Variants in ART1 observed in about 807,000 individuals in gnomAD.
The protein encoded by ART1 is ADP-ribosyltransferase 1, also known as GPI-linked NAD(P)(+)--arginine ADP-ribosyltransferase 1.
A neutral mutation model predicts 27.0 loss-of-function variants in ART1; 29 were observed. That is an observed-to-expected ratio of 1.08 (90% CI 0.80 to 1.47). The LOEUF (loss-of-function observed/expected upper bound fraction) is 1.47, where lower values mean the gene tolerates loss of function less well. ART1 is among the 40% of genes most tolerant of loss of function. ART1 has a pLI of 0.00. For synonymous variants in ART1, 201 were observed against 172.2 expected (o/e 1.17, Z -1.31); for missense variants, 480 against 423.0 (o/e 1.13, Z -1.18).
At chr11:3,656,378 ATTTATTTATTTT>A (rs762019943) in intron 1 of ART1, among the ~76,000 whole-genome samples, 1,395 of 124,282 alleles carry the variant, frequency 0.011, 6 homozygotes, top group Non-Finnish European at 0.019. Flanking sequence ...TTATTTATTT[ATTTATTTATTTT>A]TTAAATTTTT....
At chr11:3,661,314 T>C in intron 3 of ART1, 58 bp from the exon 4 acceptor site, 1 of 1,519,202 alleles carries the variant, frequency 6.6e-7, no homozygotes, top group Non-Finnish European at 9.0e-7. Context: ...GGCTCTGAGG[T>C]CCCTTTCCAT....
At chr11:3,662,825 C>T (rs1026985838) in intron 4 of ART1, among the ~76,000 whole-genome samples, 4 of 152,160 alleles carry the variant, frequency 2.6e-5, no homozygotes, top group Admixed American at 1.3e-4. Flanking sequence ...GCCTGGGCAA[C>T]AAGAGCGAAA....
In ART1 at chr11:3,659,688, A is replaced by G. The variant is rs560779596; in HGVS notation, c.169A>G (p.Met57Val). The G allele has an allele frequency of 3.1e-6, 5 of 1,614,010 alleles. No individual in the cohort carries two copies. The South Asian group carries it at 4.4e-5, about 14-fold the overall frequency. ...CCAGTACGCTGGCTGTGCTGCTGCC[A>G]TGACAGCTGCTCTCCCGGATCTCAA... ...DDQYAGCAAA[M>V]TAALPDLNHT... is the part of the protein sequence containing the mutation. Residue 57 changes from methionine to valine, a missense_variant, in exon 3 of 5, where the codon ATG becomes GTG. Physicochemically the swap from Met to Val is conservative, Grantham distance 21. Transcript: ENST00000250693.
intron 1 of ART1, chr11:3,655,450 T>G (rs2077565804): frequency 6.6e-6 from 1 of 152,168 alleles, no homozygotes; most frequent in Admixed American, 6.5e-5. Flanking sequence ...AGGCTGTCCT[T>G]GAGAATATTA....
At position 3,660,246 on chromosome 11, in the gene ART1, A is replaced by G. The variant is rs2133964053; in HGVS notation, c.727A>G (p.Ile243Val). The G allele has an allele frequency of 6.2e-7, 1 of 1,613,642 alleles. No homozygotes were observed. The highest frequency in any genetic ancestry group is 8.5e-7 in the Non-Finnish European group (1 of 1,180,008). The part of the protein sequence containing the change: ...SFFPGEEEVL[I>V]PPFETFQVIN... ...CTTCCCTGGAGAGGAAGAGGTGCTG[A>G]TCCCCCCCTTTGAGACCTTCCAAGT... Residue 243 changes from isoleucine (I) to valine (V), a missense_variant, in exon 3 of 5, where the codon ATC becomes GTC. Coordinates refer to ENST00000250693, the MANE Select transcript of ART1 (RefSeq NM_004314.3).
intron 1 of ART1, among the ~76,000 whole-genome samples, chr11:3,645,496 T>A (rs1012103429): frequency 4.6e-5 from 7 of 152,032 alleles, no homozygotes; most frequent in Non-Finnish European, 1.0e-4. Context: ...TTGCTCAGCA[T>A]CCCCAGCTCC....
At chr11:3,655,441 G>T (rs140267173) in intron 1 of ART1, 4 of 152,358 alleles carry the variant, frequency 2.6e-5, no homozygotes, top group African/African-American at 4.8e-5. Flanking sequence ...ATTGGTTGAA[G>T]GCTGTCCTTG....
intron 1 of ART1, among the ~76,000 whole-genome samples, chr11:3,653,589 T>C (rs1186390553): frequency 1.3e-5 from 2 of 152,164 alleles, no homozygotes; most frequent in Non-Finnish European, 1.5e-5. Flanking sequence ...AAAGCTTTAT[T>C]GCTCACACAA....
rs1350526699 is a variant in ART1 at position 3,659,147 on chromosome 11, A to C, written c.-52-15A>C. 4.8e-6 allele frequency: 7 copies of C among 1,458,388 alleles called. No homozygotes were observed. Among genetic ancestry groups the C allele is most frequent in the Non-Finnish European group, 6.7e-6 (7 of 1,041,880 alleles). 90.3% of individuals were successfully genotyped at this position (1,458,388 alleles called of 1,614,324 possible). A position where few individuals can be genotyped will look rare whatever the true frequency, so the allele number is the denominator to read the frequency against. ...TGTTTATTAAACTATACAGATTAAC[A>C]CTGCAATTTTCCAGATGAGGAAACT... On this transcript the variant is annotated splice_polypyrimidine_tract_variant and intron_variant, in intron 1 of 4. Coordinates refer to ENST00000250693, the MANE Select transcript of ART1 (RefSeq NM_004314.3).
intron 1 of ART1, among the ~76,000 whole-genome samples, chr11:3,652,560 C>G (rs1324305665): frequency 6.6e-6 from 1 of 152,180 alleles, no homozygotes; most frequent in Non-Finnish European, 1.5e-5. Flanking sequence ...CCTCAGAATG[C>G]TACAAGATAC....
Position 3,659,735 on chromosome 11 carries a change from C to T in ART1, c.216C>T (p.Asn72=). ...TCAACCACACGGAGTTCCAGGCCAA[C>T]CAGGTGTATGCAGACAGCTGGACAC... The part of the protein sequence containing the change: ...PDLNHTEFQA[N]QVYADSWTLA... Residue 72 remains asparagine, a synonymous_variant, in exon 3 of 5, where the codon AAC becomes AAT. Coordinates refer to ENST00000250693, the MANE Select transcript of ART1 (RefSeq NM_004314.3). The T allele has an allele frequency of 6.2e-7, 1 of 1,614,052 alleles. No homozygotes were observed. The highest frequency in any genetic ancestry group is 8.5e-7 in the Non-Finnish European group (1 of 1,180,004).
At chr11:3,662,955 CAA>C (rs1279030246) in intron 4 of ART1, among the ~76,000 whole-genome samples, 1 of 152,226 alleles carries the variant, frequency 6.6e-6, no homozygotes, top group Non-Finnish European at 1.5e-5. Flanking sequence ...GCTCAAGAGC[CAA>C]ACTCTGAACC....
In ART1 at chr11:3,659,615, C is replaced by T. The variant is rs1326931467; in HGVS notation, c.96C>T (p.Leu32=). 6.2e-7 allele frequency: 1 copy of T among 1,611,320 alleles called. No homozygotes were observed. The highest frequency in any genetic ancestry group is 1.7e-5 in the Admixed American group (1 of 59,972). ...GCCACCCCATCACACGACGAGACCT[C>T]TTCTCTCAAGAGATTCAGCTGGACA... ...AQSHPITRRD[L]FSQEIQLDMA... is the part of the protein sequence containing the mutation. Residue 32 remains leucine (L), a synonymous_variant, in exon 3 of 5, where the codon CTC becomes CTT. Transcript: ENST00000250693.
chr11:3,645,418 T>C (rs796181139), intron 1 of ART1, among the ~76,000 whole-genome samples: 2 of 152,116 alleles, frequency 1.3e-5, no homozygotes, highest in African/African-American at 4.8e-5. Flanking sequence ...GAGAAACTGA[T>C]GACAGAATTG....
chr11:3,653,061 C>T lies in ART1; in HGVS notation c.-52-6101C>T, dbSNP rs192802362. Among the ~76,000 whole-genome samples the T allele has an allele frequency of 5.2e-3, 766 of 148,408 alleles. 20 individuals carry two copies. Among genetic ancestry groups the T allele is most frequent in the Non-Finnish European group, 8.1e-3 (548 of 67,898 alleles). On this transcript the variant is annotated intron_variant, in intron 1 of 4. Coordinates refer to ENST00000250693, the MANE Select transcript of ART1 (RefSeq NM_004314.3). ...ATATCACCCCTTACCACAAAATCTT[C>T]GTTCAGCTTAATCTCTCCCACTCGA... is the stretch of plus-strand genomic sequence containing the variant.
rs756778220 is a variant in ART1, at chr11:3,659,753, C to G, written c.234C>G (p.Ser78Arg). Residue 78 changes from serine to arginine, a missense_variant, in exon 3 of 5, where the codon AGC becomes AGG. Ser to Arg is a moderately radical substitution (Grantham distance 110). Transcript: ENST00000250693. The part of the protein sequence containing the change: ...EFQANQVYAD[S>R]WTLASSQWQE... ...AGGCCAACCAGGTGTATGCAGACAG[C>G]TGGACACTGGCAAGCAGCCAATGGC... The G allele has an allele frequency of 1.2e-6, 2 of 1,613,820 alleles. No individual in the cohort carries two copies. Among genetic ancestry groups the G allele is most frequent in the South Asian group, 2.2e-5 (2 of 91,072 alleles).
intron 4 of ART1, among the ~76,000 whole-genome samples, chr11:3,662,832 G>A (rs190761403): frequency 2.6e-5 from 4 of 152,256 alleles, no homozygotes; most frequent in Admixed American, 1.3e-4. Flanking sequence ...CAACAAGAGC[G>A]AAACTCTGTC....
At chr11:3,653,833 C>T (rs1347752405) in intron 1 of ART1, among the ~76,000 whole-genome samples, 1 of 118,908 alleles carries the variant, frequency 8.4e-6, no homozygotes, top group East Asian at 2.5e-4. Context: ...GACATCAAGT[C>T]TTGTAAATTC....
rs184444345 is a variant in ART1 at position 3,662,637 on chromosome 11, G to A, written c.886+1224G>A. Reference sequence around the variant, plus strand: ...AGATGGGCAGATCACCTGAGGTCAGGAGTTCGAGACCAGCCTGACCAACAT... The same window carrying A: ...AGATGGGCAGATCACCTGAGGTCAGAAGTTCGAGACCAGCCTGACCAACAT... On this transcript the variant is annotated intron_variant, in intron 4 of 4. Coordinates refer to ENST00000250693, the MANE Select transcript of ART1 (RefSeq NM_004314.3). Among the ~76,000 whole-genome samples, 379 of 152,290 alleles carry A rather than the reference G, an allele frequency of 2.5e-3. 3 individuals carry two copies. The highest frequency in any genetic ancestry group is 8.4e-3 in the African/African-American group (349 of 41,556).
Sources: allele counts gnomAD v4.1 joint callset (sites outside exome capture counted in the v4.1 genomes callset), GRCh38; gene constraint gnomAD v4.1.1; transcripts MANE v1.5; gene names NCBI Gene and HGNC (gene_info 2026-07-23, HGNC 2026-07-21).